The following HDAC9 variants were observed in gnomAD, a reference collection of about 807,000 sequenced individuals.
HDAC9 encodes the protein MEF-2 interacting transcription repressor (MITR) protein.
HDAC9 carries 41 observed loss-of-function variants against 139.4 expected under a neutral mutation model. The observed-to-expected ratio is 0.29, with a 90% CI of 0.23 to 0.38. The LOEUF is 0.38. Ranked by LOEUF, HDAC9 falls within the 10% of genes least tolerant of loss-of-function variation. The pLI, the probability that HDAC9 is intolerant of heterozygous loss-of-function variation, is 1.00. For missense variants in HDAC9, 1,147 were observed against 1,297.0 expected (o/e 0.88, Z 1.78); for synonymous variants, 517 against 476.2 (o/e 1.09, Z -1.12).
chr7:18,382,986 A>G (rs1785576732), intron 1 of HDAC9, among the ~76,000 whole-genome samples: 1 of 152,230 alleles, frequency 6.6e-6, no homozygotes, highest in South Asian at 2.1e-4. Flanking sequence ...GGCAACTTAA[A>G]TTTCTGGGTA....
intron 1 of HDAC9, among the ~76,000 whole-genome samples, chr7:18,335,002 G>A (rs1047206867): frequency 1.3e-5 from 2 of 151,398 alleles, no homozygotes. Flanking sequence ...TGTCCGGCAG[G>A]GTTTTAGAAG....
chr7:18,415,510 T>G (rs1585736244), intron 1 of HDAC9, among the ~76,000 whole-genome samples: 1 of 152,364 alleles, frequency 6.6e-6, no homozygotes, highest in East Asian at 1.9e-4. Flanking sequence ...TACTTCATGT[T>G]TTTATAAAGA....
chr7:18,317,309 A>G (rs1047714773), intron 1 of HDAC9, among the ~76,000 whole-genome samples: 32 of 152,016 alleles, frequency 2.1e-4, no homozygotes, highest in African/African-American at 7.2e-4. Flanking sequence ...TCATATGTTT[A>G]TTTCTAGCAG....
intron 22 of HDAC9, among the ~76,000 whole-genome samples, chr7:18,878,668 A>T (rs1010172899): frequency 1.3e-5 from 2 of 152,182 alleles, no homozygotes; most frequent in African/African-American, 4.8e-5. Flanking sequence ...TCTCAAAATA[A>T]TAAGACCCAT....
At chr7:18,195,344 C>G (rs1207232205) in intron 2 of HDAC9, among the ~76,000 whole-genome samples, 1 of 151,918 alleles carries the variant, frequency 6.6e-6, no homozygotes, top group African/African-American at 2.4e-5. Context: ...TACCATATAC[C>G]CCCATATTAC....
chr7:18,315,553 A>T (rs948462049), intron 1 of HDAC9, among the ~76,000 whole-genome samples: 3 of 152,238 alleles, frequency 2.0e-5, no homozygotes, highest in African/African-American at 7.2e-5. Flanking sequence ...GCACTAGGAA[A>T]ATACAGGCTT....
intron 17 of HDAC9, among the ~76,000 whole-genome samples, chr7:18,804,670 C>T (rs1234809149): frequency 6.6e-6 from 1 of 152,136 alleles, no homozygotes; most frequent in African/African-American, 2.4e-5. Context: ...GGATATTTAC[C>T]ATGCATACTA....
intron 2 of HDAC9, among the ~76,000 whole-genome samples, chr7:18,181,804 C>T: frequency 6.6e-6 from 1 of 152,186 alleles, no homozygotes; most frequent in Non-Finnish European, 1.5e-5. Context: ...GGGCATTGAA[C>T]AGAGAGAACC....
At chr7:18,829,076 C>T in intron 17 of HDAC9, 85 bp from the exon 18 acceptor site, 1 of 905,548 alleles carries the variant, frequency 1.1e-6, no homozygotes. Flanking sequence ...GTGCCTGAGG[C>T]ACTGTTGTGC....
chr7:18,342,293 G>A (rs902311874), intron 1 of HDAC9, among the ~76,000 whole-genome samples: 1 of 151,594 alleles, frequency 6.6e-6, no homozygotes, highest in Non-Finnish European at 1.5e-5. Context: ...CTTATTCTTC[G>A]GTTTCTGCTC....
chr7:18,486,056 G>A lies in HDAC9; in HGVS notation c.-41-10206G>A, dbSNP rs149610118. Among the ~76,000 whole-genome samples, 142 of 152,166 alleles carry A rather than the reference G, an allele frequency of 9.3e-4. 1 individual carries two copies. The highest frequency in any genetic ancestry group is 5.8e-3 in the Admixed American group (88 of 15,262). ...TGTGGCCTTCTTATTTCATCATCCC[G>A]TGGTGGAAGGCAGAAGGGCAAGAGA... On this transcript the variant is annotated intron_variant, in intron 1 of 3. Transcript: ENST00000413509.
At chr7:18,716,025 G>A (rs560906961) in intron 12 of HDAC9, among the ~76,000 whole-genome samples, 6 of 152,220 alleles carry the variant, frequency 3.9e-5, no homozygotes, top group East Asian at 1.9e-4. Context: ...CATGTCTCTC[G>A]TTATGATATT....
intron 8 of HDAC9, among the ~76,000 whole-genome samples, chr7:18,640,376 A>G (rs1165401474): frequency 1.3e-5 from 2 of 150,934 alleles, no homozygotes; most frequent in South Asian, 2.1e-4. Context: ...AAAAAAAAAA[A>G]AAAAAAAAAA....
At chr7:18,648,878 A>G (rs1362749072) in intron 11 of HDAC9, among the ~76,000 whole-genome samples, 195 bp downstream of exon 11, 1 of 152,176 alleles carries the variant, frequency 6.6e-6, no homozygotes, top group African/African-American at 2.4e-5. Flanking sequence ...TTCATAAGAC[A>G]TTTGTAGCAA....
intron 24 of HDAC9, among the ~76,000 whole-genome samples, chr7:18,964,730 A>G (rs1351371187): frequency 6.6e-6 from 1 of 152,180 alleles, no homozygotes; most frequent in Non-Finnish European, 1.5e-5. Context: ...TGTGTGAAGG[A>G]GGAACTGTCA....
Position 18,476,425 on chromosome 7 carries a change from A to T in HDAC9, c.-41-19837A>T, listed in dbSNP as rs141050012. ...ATGTATCATGGCAGAATATTGACTCAAACCCATACTTATTAGTTACATGGT... is the reference window on the plus strand; with the variant it reads ...ATGTATCATGGCAGAATATTGACTCTAACCCATACTTATTAGTTACATGGT... On this transcript the variant is annotated intron_variant, in intron 1 of 3. Transcript: ENST00000413509. Among the ~76,000 whole-genome samples, 4 of 152,122 alleles carry T rather than the reference A, an allele frequency of 2.6e-5. No homozygotes were observed. The East Asian group carries it at 7.7e-4, about 29-fold the overall frequency.
intron 1 of HDAC9, among the ~76,000 whole-genome samples, chr7:18,456,733 T>A (rs1793387739): frequency 6.6e-6 from 1 of 152,206 alleles, no homozygotes. Flanking sequence ...GGAATAACAA[T>A]CCTTACTGTG....
intron 13 of HDAC9, among the ~76,000 whole-genome samples, chr7:18,733,279 T>C (rs1339764602): frequency 1.0e-5 from 1 of 97,752 alleles, no homozygotes; most frequent in Non-Finnish European, 2.3e-5. Flanking sequence ...CAGGTATATA[T>C]GTGTATATAT....
chr7:18,166,204 C>T (rs778704762), intron 2 of HDAC9, among the ~76,000 whole-genome samples: 4 of 152,170 alleles, frequency 2.6e-5, no homozygotes, highest in Non-Finnish European at 5.9e-5. Context: ...ATGCTCTGGC[C>T]TTGTGGGCTT....
Sources: allele counts gnomAD v4.1 joint callset (sites outside exome capture counted in the v4.1 genomes callset), GRCh38; gene constraint gnomAD v4.1.1; transcripts MANE v1.5; gene names NCBI Gene and HGNC (gene_info 2026-07-23, HGNC 2026-07-21).